Variants in FCRL2 observed in about 807,000 individuals in gnomAD.
FCRL2 encodes the protein Fc receptor like 2, also known as Fc receptor-like protein 2.
In FCRL2, 48 loss-of-function variants were observed where a neutral mutation model predicts 59.8. The ratio of observed to expected loss-of-function variants is 0.80; its 90% CI spans 0.64 to 1.02. FCRL2 has a LOEUF of 1.02. Ranked by LOEUF, FCRL2 falls within the 50% of genes least tolerant of loss-of-function variation. The pLI is 0.00. For missense variants in FCRL2, 658 were observed against 597.3 expected, an observed-to-expected ratio of 1.10 and a Z score of -1.06; for synonymous variants, 251 against 229.5, an observed-to-expected ratio of 1.09 and a Z score of -0.85.
chr1:157,764,661 C>A (rs1354284790), intron 7 of FCRL2, among the ~76,000 whole-genome samples: 1 of 152,030 alleles, frequency 6.6e-6, no homozygotes, highest in East Asian at 1.9e-4. Flanking sequence ...GAAATCAATA[C>A]CAAGATAAAT....
chr1:157,766,909 G>A lies in FCRL2; in HGVS notation c.1225C>T (p.Leu409Phe), dbSNP rs978335006. The change falls in exon 7 of 12, where the codon CTT (leucine) becomes TTT (phenylalanine). Residue 409 changes from leucine to phenylalanine, a missense_variant. Leu to Phe is a conservative substitution (Grantham distance 22, BLOSUM62 0). Transcript: ENST00000361516. ...AGVLWGLFGVLGFTGVALLLY... is the reference protein window; with the variant it reads ...AGVLWGLFGVFGFTGVALLLY... ...AGCAAAGCAACACCAGTGAAACCAA[G>A]GACACCAAACAGTCCCCAGAGAACT... is the stretch of plus-strand genomic sequence containing the variant. The A allele has an allele frequency of 6.2e-7, 1 of 1,614,156 alleles. No individual in the cohort carries two copies. Among genetic ancestry groups the A allele is most frequent in the Admixed American group, 1.7e-5 (1 of 60,018 alleles).
intron 8 of FCRL2, 72 bp from the exon 9 acceptor site, chr1:157,749,032 G>A (rs1647983619): frequency 1.5e-6 from 2 of 1,334,166 alleles, no homozygotes; most frequent in Non-Finnish European, 2.1e-6. Flanking sequence ...GACTGGCTGA[G>A]GAGAGAGCAG....
At chr1:157,774,353 C>T in intron 2 of FCRL2, 1 of 439,834 alleles carries the variant, frequency 2.3e-6, no homozygotes, top group Non-Finnish European at 4.5e-6. Context: ...GCCCAGCCTA[C>T]ATAGCAGGTA....
At chr1:157,776,463 T>A (rs890800431) in intron 1 of FCRL2, among the ~76,000 whole-genome samples, 1 of 152,060 alleles carries the variant, frequency 6.6e-6, no homozygotes, top group African/African-American at 2.4e-5. Flanking sequence ...AGAGATGAGG[T>A]TTCACCATGT....
At chr1:157,758,184 G>T (rs1188128551) in intron 7 of FCRL2, among the ~76,000 whole-genome samples, 1 of 152,174 alleles carries the variant, frequency 6.6e-6, no homozygotes, top group Non-Finnish European at 1.5e-5. Context: ...AACAGAGTTG[G>T]TTACCCAAAT....
At position 157,769,872 on chromosome 1, in the gene FCRL2, C is replaced by T. The variant is rs760559249; in HGVS notation, c.589G>A (p.Val197Met). ...RKQSLQSQIH[V>M]QRIPISNVSL... ...CAGCCTCACTGATACTTGCTCTGCACGTGAATCTGGGATTGGAGGCTCTGT... is the reference window on the plus strand; with the variant it reads ...CAGCCTCACTGATACTTGCTCTGCATGTGAATCTGGGATTGGAGGCTCTGT... The change falls in exon 4 of 12, where the codon GTG becomes ATG. Residue 197 changes from valine (V) to methionine (M), a missense_variant. Coordinates refer to ENST00000361516, the MANE Select transcript of FCRL2 (RefSeq NM_030764.4). 3.1e-6 allele frequency: 5 copies of T among 1,613,770 alleles called. No homozygotes were observed. Among genetic ancestry groups the T allele is most frequent in the Admixed American group, 1.7e-5 (1 of 60,016 alleles).
At chr1:157,763,640 T>C (rs1233772864) in intron 7 of FCRL2, among the ~76,000 whole-genome samples, 1 of 152,188 alleles carries the variant, frequency 6.6e-6, no homozygotes. Flanking sequence ...TAAAGACATA[T>C]ATAGACTGAA....
chr1:157,765,326 G>A (rs11810141), intron 7 of FCRL2, among the ~76,000 whole-genome samples: 27,675 of 152,078 alleles, frequency 0.18, 3,024 homozygotes, highest in Non-Finnish European at 0.24. Context: ...AAGAAAAGCC[G>A]AGGACTGGAT....
At chr1:157,764,194 C>T (rs1010404900) in intron 7 of FCRL2, among the ~76,000 whole-genome samples, 3 of 151,664 alleles carry the variant, frequency 2.0e-5, no homozygotes, top group Admixed American at 2.0e-4. Context: ...CAGAGCAAGA[C>T]TCTGCCTCAA....
intron 10 of FCRL2, among the ~76,000 whole-genome samples, chr1:157,748,022 T>A (rs1647883880): frequency 6.7e-6 from 1 of 149,752 alleles, no homozygotes; most frequent in African/African-American, 2.5e-5. Flanking sequence ...ATCACCCTAT[T>A]TTTTTTTTTA....
At chr1:157,757,244 G>C (rs1046041738) in intron 7 of FCRL2, among the ~76,000 whole-genome samples, 1 of 152,168 alleles carries the variant, frequency 6.6e-6, no homozygotes, top group African/African-American at 2.4e-5. Context: ...CTGAATGTTT[G>C]TGTCCTGCCC....
rs776146616 is a variant in FCRL2 at position 157,767,257 on chromosome 1, C to T, written c.1136G>A (p.Ser379Asn). The change falls in exon 6 of 12, where the codon AGT becomes AAT. Residue 379 changes from serine (S) to asparagine (N), a missense_variant. By Grantham distance (46) the Ser-to-Asn change is conservative. Transcript: ENST00000361516. ...EANNGLGAQC[S>N]EAVPVSISGP... ...TGAGATGGAGACTGGCACTGCCTCA[C>T]TGCACTGGGCCCCCAGGCCGTTGTT... is the stretch of plus-strand genomic sequence containing the variant. 1.9e-6 allele frequency: 3 copies of T among 1,613,830 alleles called. 1 individual carries two copies. Among genetic ancestry groups the T allele is most frequent in the South Asian group, 2.2e-5 (2 of 91,028 alleles).
In FCRL2 at chr1:157,767,410, G is replaced by A; in HGVS notation, c.983C>T (p.Pro328Leu). 6.2e-7 allele frequency: 1 copy of A among 1,614,198 alleles called. No homozygotes were observed. Among genetic ancestry groups the A allele is most frequent in the Non-Finnish European group, 8.5e-7 (1 of 1,180,030 alleles). ...ATGATAAAATTGGTACAAGATTGGGGGAGAGCCTCTCAGGGCCTCACAGTG... is the reference window on the plus strand; with the variant it reads ...ATGATAAAATTGGTACAAGATTGGGAGAGAGCCTCTCAGGGCCTCACAGTG... ...ELHCEALRGSPPILYQFYHED... is the reference protein window; with the variant it reads ...ELHCEALRGSLPILYQFYHED... The change falls in exon 6 of 12, where the codon CCC (proline) becomes CTC (leucine). Residue 328 changes from proline (P) to leucine (L), a missense_variant. Coordinates refer to ENST00000361516, the MANE Select transcript of FCRL2 (RefSeq NM_030764.4).
intron 9 of FCRL2, 57 bp from the exon 10 acceptor site, chr1:157,748,675 A>G: frequency 2.1e-6 from 3 of 1,448,312 alleles, no homozygotes; most frequent in Non-Finnish European, 2.9e-6. Context: ...CACACTTCAT[A>G]CACAGCTTCC....
At chr1:157,772,129 T>A (rs965388730) in intron 2 of FCRL2, among the ~76,000 whole-genome samples, 1 of 150,814 alleles carries the variant, frequency 6.6e-6, no homozygotes, top group African/African-American at 2.4e-5. Context: ...GGATACTAGA[T>A]CTCATGGAAA....
intron 10 of FCRL2, among the ~76,000 whole-genome samples, chr1:157,748,020 A>T (rs56180806): frequency 6.9e-6 from 1 of 145,100 alleles, no homozygotes; most frequent in African/African-American, 2.5e-5. Flanking sequence ...CCATCACCCT[A>T]TTTTTTTTTT....
At chr1:157,756,733 T>C (rs1648620076) in intron 7 of FCRL2, among the ~76,000 whole-genome samples, 1 of 151,238 alleles carries the variant, frequency 6.6e-6, no homozygotes, top group Non-Finnish European at 1.5e-5. Flanking sequence ...GACCTGAGAC[T>C]GAAAACTTCT....
intron 7 of FCRL2, among the ~76,000 whole-genome samples, chr1:157,753,702 C>G (rs1339197734): frequency 2.0e-5 from 3 of 152,198 alleles, no homozygotes; most frequent in African/African-American, 7.2e-5. Flanking sequence ...AGTCCCTCTC[C>G]TGTCCTCAGA....
At position 157,767,122 on chromosome 1, in the gene FCRL2, C is replaced by A. The variant is rs61214619; in HGVS notation, c.1162+109G>T. On this transcript the variant is annotated intron_variant, in intron 6 of 11. Coordinates refer to ENST00000361516, the MANE Select transcript of FCRL2 (RefSeq NM_030764.4). The stretch of plus-strand genomic sequence containing the variant: ...AGGTTAGTGTGGGGAGAAGAGAAGC[C>A]ACTGGACACTGAGATCACCTTCCCC... The A allele has an allele frequency of 3.3e-3, 4,653 of 1,398,002 alleles. 106 individuals are homozygous for A. The African/African-American group carries it at 0.057, about 17-fold the overall frequency. The allele number at this position is 1,398,002 out of a possible 1,614,324, so 86.6% of individuals were successfully genotyped here.
Sources: allele counts gnomAD v4.1 joint callset (sites outside exome capture counted in the v4.1 genomes callset), GRCh38; gene constraint gnomAD v4.1.1; transcripts MANE v1.5; gene names NCBI Gene and HGNC (gene_info 2026-07-23, HGNC 2026-07-21).